The following SRCIN1 variants were observed in gnomAD, a reference collection of about 807,000 sequenced individuals.
SRCIN1 encodes the protein P130Cas-associated protein.
In SRCIN1, 50 loss-of-function variants were observed where a neutral mutation model predicts 116.2. The observed-to-expected ratio is 0.43, with a 90% CI of 0.34 to 0.54. The LOEUF is 0.54. Among genes scored for constraint, SRCIN1 ranks in the 20% least tolerant of loss-of-function variants. SRCIN1 has a pLI of 0.02. For synonymous variants in SRCIN1, 736 were observed against 750.0 expected, an observed-to-expected ratio of 0.98 and a Z score of 0.30; for missense variants, 1,446 against 1,672.0, an observed-to-expected ratio of 0.86 and a Z score of 2.36.
At chr17:38,575,303 G>A (rs1597917871) in intron 2 of SRCIN1, among the ~76,000 whole-genome samples, 1 of 152,136 alleles carries the variant, frequency 6.6e-6, no homozygotes, top group East Asian at 1.9e-4. Flanking sequence ...AGGCTGGAGT[G>A]CAGTGGCACG....
At chr17:38,535,842 C>T (rs2040992830) in intron 18 of SRCIN1, among the ~76,000 whole-genome samples, 1 of 149,514 alleles carries the variant, frequency 6.7e-6, no homozygotes, top group Non-Finnish European at 1.5e-5. Context: ...TCACCATGTC[C>T]CCCGGCAAGG....
At chr17:38,593,410 G>A (rs1908546246) in intron 1 of SRCIN1, among the ~76,000 whole-genome samples, 1 of 152,106 alleles carries the variant, frequency 6.6e-6, no homozygotes, top group African/African-American at 2.4e-5. Flanking sequence ...GAGGAAAAGG[G>A]GCACGAGGGA....
In SRCIN1 at chr17:38,563,016, A is replaced by G; in HGVS notation, c.741-96T>C. On this transcript the variant is annotated intron_variant, in intron 5 of 18. Transcript: ENST00000617146. This position sits in a 1 kb window ranked among gnomAD's most constrained non-coding sequence, Gnocchi z 5.8. ...CCAGGCCTAGAGAAGAGGGGTGGCC[A>G]GAGGCACCGGGAGCCCCATCTCAGG... 1 of 1,083,914 alleles carries G rather than the reference A, an allele frequency of 9.2e-7. No homozygotes were observed. Among genetic ancestry groups the G allele is most frequent in the Non-Finnish European group, 1.4e-6 (1 of 731,794 alleles). The allele number at this position is 1,083,914 out of a possible 1,614,324, so 67.1% of individuals were successfully genotyped here.
Position 38,531,740 on chromosome 17 carries a change from C to G in SRCIN1, c.*1557G>C, listed in dbSNP as rs1185014778. On this transcript the variant is annotated 3_prime_UTR_variant, in exon 19 of 19. Coordinates refer to ENST00000617146, the MANE Select transcript of SRCIN1 (RefSeq NM_025248.3). ...AGAAACACAACCCGTTTCCCCTCCC[C>G]CCAAACCTTCAACAGCTCCCAGCTC... 1 of 152,500 alleles carries G rather than the reference C, an allele frequency of 6.6e-6. No homozygotes were observed. Among genetic ancestry groups the G allele is most frequent in the Non-Finnish European group, 1.5e-5 (1 of 68,016 alleles). The allele number at this position is 152,500 out of a possible 1,614,324, so 9.4% of individuals were successfully genotyped here.
chr17:38,540,417 C>T (rs1049872449), intron 18 of SRCIN1, among the ~76,000 whole-genome samples: 4 of 151,962 alleles, frequency 2.6e-5, no homozygotes, highest in East Asian at 1.9e-4. Flanking sequence ...TCCCCACCCC[C>T]GCCGGCCACC....
Position 38,562,363 on chromosome 17 carries a change from G to C in SRCIN1, c.835-35C>G. On this transcript the variant is annotated intron_variant, in intron 6 of 18. Transcript: ENST00000617146. This position sits in a 1 kb window ranked among gnomAD's most constrained non-coding sequence, Gnocchi z 4.2. ...AGACAGCCCGGAACCCCACGGGGCT[G>C]GTCACCAAGGACACCCCTGTCCCTT... 7.1e-7 allele frequency: 1 copy of C among 1,410,290 alleles called. No individual in the cohort carries two copies. Among genetic ancestry groups the C allele is most frequent in the South Asian group, 1.5e-5 (1 of 65,840 alleles). The allele number at this position is 1,410,290 out of a possible 1,614,324, so 87.4% of individuals were successfully genotyped here.
At chr17:38,596,971 G>A (rs1908760464) in intron 1 of SRCIN1, among the ~76,000 whole-genome samples, 1 of 152,080 alleles carries the variant, frequency 6.6e-6, no homozygotes. Flanking sequence ...TTTACCCTGG[G>A]GCATGCAGCA....
At chr17:38,537,043 T>G (rs1200398476) in intron 18 of SRCIN1, among the ~76,000 whole-genome samples, 1 of 151,944 alleles carries the variant, frequency 6.6e-6, no homozygotes, top group Non-Finnish European at 1.5e-5. Flanking sequence ...CCAGGCGTGG[T>G]GGCGTGCACC....
chr17:38,539,074 C>A (rs1041074640), intron 18 of SRCIN1, among the ~76,000 whole-genome samples: 4 of 152,144 alleles, frequency 2.6e-5, no homozygotes, highest in Non-Finnish European at 5.9e-5. Flanking sequence ...CTGGATTGGG[C>A]CTGATTGGTG....
At position 38,605,890 on chromosome 17, in the gene SRCIN1, C is replaced by A. The variant is rs1369823529; in HGVS notation, c.-185G>T. On this transcript the variant is annotated 5_prime_UTR_variant, in exon 1 of 19. Coordinates refer to ENST00000617146, the MANE Select transcript of SRCIN1 (RefSeq NM_025248.3). ...GCCGGCGGCCGGGCGTGTGGGTGAG[C>A]GCGCGCGCGGGCGTGTCACCGAGTG... The A allele has an allele frequency of 1.4e-5, 2 of 145,580 alleles. No individual in the cohort carries two copies. The highest frequency in any genetic ancestry group is 3.0e-5 in the Non-Finnish European group (2 of 65,864). 9.0% of individuals were successfully genotyped at this position (145,580 alleles called of 1,614,324 possible). A position where few individuals can be genotyped will look rare whatever the true frequency, so the allele number is the denominator to read the frequency against.
chr17:38,581,199 G>A (rs956586659), intron 1 of SRCIN1, among the ~76,000 whole-genome samples: 6 of 152,234 alleles, frequency 3.9e-5, no homozygotes, highest in Non-Finnish European at 7.4e-5. Context: ...GAGGTCAGGA[G>A]TTCGAGACCA....
At chr17:38,588,259 G>A (rs913599682) in intron 1 of SRCIN1, among the ~76,000 whole-genome samples, 1 of 152,202 alleles carries the variant, frequency 6.6e-6, no homozygotes, top group African/African-American at 2.4e-5. Flanking sequence ...GGCTTCTAAT[G>A]AAGATCTGGC....
chr17:38,597,591 G>A (rs535336575), intron 1 of SRCIN1, among the ~76,000 whole-genome samples: 5 of 152,234 alleles, frequency 3.3e-5, no homozygotes, highest in Non-Finnish European at 7.3e-5. Context: ...CAGAAACTGA[G>A]CTTCAGAAAG....
intron 15 of SRCIN1, among the ~76,000 whole-genome samples, chr17:38,550,654 A>T (rs1905332869): frequency 6.6e-6 from 1 of 152,334 alleles, no homozygotes; most frequent in Non-Finnish European, 1.5e-5. Flanking sequence ...GCCCTGTCTT[A>T]TTTCCGTATC....
rs912391144 is a variant in SRCIN1 at position 38,538,435 on chromosome 17, AAT to A, written c.3418-5006_3418-5005del. 4.7e-4 allele frequency among the ~76,000 whole-genome samples: 61 copies of A among 128,702 alleles called. 2 individuals carry two copies. Among genetic ancestry groups the A allele is most frequent in the Middle Eastern group, 7.6e-3 (2 of 264 alleles). The allele number at this position is 128,702 out of a possible 152,430, so 84.4% of individuals were successfully genotyped here. Reference sequence around the variant, plus strand: ...CCGTCTCAAAAAAAAAAAAAAAAATAATAATAATAATAATAAAATAATAAAAA... The same window carrying A: ...CCGTCTCAAAAAAAAAAAAAAAAATAAATAATAATAATAAAATAATAAAAA... On this transcript the variant is annotated intron_variant, in intron 18 of 18. Coordinates refer to ENST00000617146, the MANE Select transcript of SRCIN1 (RefSeq NM_025248.3).
chr17:38,598,483 CT>C, intron 1 of SRCIN1, among the ~76,000 whole-genome samples: 1 of 152,202 alleles, frequency 6.6e-6, no homozygotes, highest in Non-Finnish European at 1.5e-5. Context: ...CAGCTAGGCT[CT>C]TTCTGTGGGG....
At chr17:38,603,215 GAGAGAGAGAA>G (rs1367834637) in intron 1 of SRCIN1, among the ~76,000 whole-genome samples, 1 of 152,028 alleles carries the variant, frequency 6.6e-6, no homozygotes, top group African/African-American at 2.4e-5. Flanking sequence ...GAGAGGGGGA[GAGAGAGAGAA>G]AGAGAGAGAG....
Position 38,544,006 on chromosome 17 carries a change from C to A in SRCIN1, c.3271-37G>T. The A allele has an allele frequency of 6.5e-7, 1 of 1,544,266 alleles. No individual in the cohort carries two copies. ...GGAACAGGGTTGCAGTTGCAGAGTC[C>A]ACATGGGGTGAATCACACAGGAACC... On this transcript the variant is annotated intron_variant, in intron 17 of 18. Transcript: ENST00000617146. This position sits in a 1 kb window ranked among gnomAD's most constrained non-coding sequence, Gnocchi z 4.5.
chr17:38,582,253 C>G (rs560443429), intron 1 of SRCIN1, among the ~76,000 whole-genome samples: 148 of 152,320 alleles, frequency 9.7e-4, no homozygotes, highest in African/African-American at 3.2e-3. Context: ...TCCCTACCTC[C>G]TGGGGGATCT....
Sources: gnomAD v4.1 joint callset for allele counts (sites outside exome capture counted in the v4.1 genomes callset) on GRCh38, gnomAD v4.1.1 for gene constraint, Gnocchi (gnomAD v3.1) non-coding constraint, MANE v1.5 for transcripts, NCBI Gene and HGNC (gene_info 2026-07-23, HGNC 2026-07-21) for gene names.